SLC24A3: variants seen among roughly 807,000 people sequenced by gnomAD.
SLC24A3 encodes the protein sodium/potassium/calcium exchanger 3.
Under a neutral mutation model 75.8 loss-of-function variants are expected in SLC24A3, and 28 were observed. The ratio of observed to expected loss-of-function variants is 0.37; its 90% CI spans 0.27 to 0.51. SLC24A3 has a LOEUF of 0.51. SLC24A3 is among the 20% of genes least tolerant of loss of function. The probability of loss-of-function intolerance (pLI) is 0.94; values close to 1 mark genes in which losing one functional copy is unlikely to be tolerated. For missense variants in SLC24A3, 663 were observed against 847.8 expected (o/e 0.78, Z 2.71); for synonymous variants, 372 against 334.1 (o/e 1.11, Z -1.24).
chr20:19,541,429 G>A (rs943908247), intron 3 of SLC24A3, among the ~76,000 whole-genome samples: 1 of 152,180 alleles, frequency 6.6e-6, no homozygotes, highest in Non-Finnish European at 1.5e-5. Context: ...GTTGCCTCCT[G>A]CAAGCCCTCT....
chr20:19,553,383 T>A (rs1485043199), intron 3 of SLC24A3, among the ~76,000 whole-genome samples: 2 of 152,156 alleles, frequency 1.3e-5, no homozygotes, highest in African/African-American at 4.8e-5. Context: ...ACTTGCTGCA[T>A]CACAAGGAAG....
intron 9 of SLC24A3, among the ~76,000 whole-genome samples, chr20:19,678,782 C>G (rs1488377088): frequency 1.3e-5 from 2 of 149,134 alleles, no homozygotes; most frequent in African/African-American, 5.0e-5. Flanking sequence ...CCTCACTTCT[C>G]AGACGGGGCG....
intron 2 of SLC24A3, among the ~76,000 whole-genome samples, chr20:19,290,055 G>C (rs113279466): frequency 1.9e-3 from 294 of 152,238 alleles, no homozygotes; most frequent in African/African-American, 6.9e-3. Flanking sequence ...ACCACCACCA[G>C]CAGCAGCAGC....
At chr20:19,309,949 C>T (rs1017000932) in intron 2 of SLC24A3, among the ~76,000 whole-genome samples, 2 of 152,108 alleles carry the variant, frequency 1.3e-5, no homozygotes, top group Non-Finnish European at 2.9e-5. Context: ...CAAAGCATCA[C>T]ACTCTTCCTG....
At chr20:19,536,892 C>T (rs1258613015) in intron 3 of SLC24A3, among the ~76,000 whole-genome samples, 11 of 152,316 alleles carry the variant, frequency 7.2e-5, no homozygotes, top group African/African-American at 2.6e-4. Context: ...GGATTAAAGA[C>T]TTACATGTTA....
At chr20:19,497,901 A>C (rs1347190071) in intron 2 of SLC24A3, among the ~76,000 whole-genome samples, 1 of 152,188 alleles carries the variant, frequency 6.6e-6, no homozygotes, top group East Asian at 1.9e-4. Flanking sequence ...GACCAGTACC[A>C]ATCCCTGGCC....
At chr20:19,471,485 A>T (rs1486635407) in intron 2 of SLC24A3, among the ~76,000 whole-genome samples, 1 of 152,202 alleles carries the variant, frequency 6.6e-6, no homozygotes, top group Non-Finnish European at 1.5e-5. Context: ...TGTTGAATGC[A>T]TGTGTGTTCA....
intron 9 of SLC24A3, 107 bp from the exon 10 acceptor site, chr20:19,681,751 T>A: frequency 6.4e-7 from 1 of 1,563,614 alleles, no homozygotes; most frequent in Admixed American, 1.7e-5. Flanking sequence ...TGAGGCCTGG[T>A]GACTGTGCAT....
At chr20:19,259,745 A>G (rs1982924766) in intron 1 of SLC24A3, among the ~76,000 whole-genome samples, 1 of 152,236 alleles carries the variant, frequency 6.6e-6, no homozygotes, top group African/African-American at 2.4e-5. Context: ...ATGTTCAACC[A>G]TACAGAAACA....
intron 6 of SLC24A3, among the ~76,000 whole-genome samples, chr20:19,611,495 A>G (rs2031671153): frequency 6.6e-6 from 1 of 152,214 alleles, no homozygotes; most frequent in Non-Finnish European, 1.5e-5. Flanking sequence ...AAGCCACTGG[A>G]CAAATGGATG....
At chr20:19,706,957 G>A (rs539439881) in intron 15 of SLC24A3, among the ~76,000 whole-genome samples, 1 of 152,304 alleles carries the variant, frequency 6.6e-6, no homozygotes, top group South Asian at 2.1e-4. Flanking sequence ...GCTGACAAGT[G>A]TGTGGCTGCT....
chr20:19,340,714 A>G (rs1348001858), intron 2 of SLC24A3, among the ~76,000 whole-genome samples: 1 of 152,196 alleles, frequency 6.6e-6, no homozygotes, highest in Non-Finnish European at 1.5e-5. Flanking sequence ...TGTGTTTCAA[A>G]TAAACATCCA....
chr20:19,613,242 A>G (rs929043054), intron 6 of SLC24A3, among the ~76,000 whole-genome samples: 16 of 152,146 alleles, frequency 1.1e-4, no homozygotes, highest in Admixed American at 1.0e-3. Context: ...ACTTCCTCCA[A>G]TGGGATGTGA....
chr20:19,710,371 C>T (rs1457611418), intron 15 of SLC24A3, among the ~76,000 whole-genome samples: 1 of 152,208 alleles, frequency 6.6e-6, no homozygotes, highest in African/African-American at 2.4e-5. Flanking sequence ...TCTGTGTCTG[C>T]ATCCGTACTA....
intron 3 of SLC24A3, among the ~76,000 whole-genome samples, chr20:19,522,933 A>C (rs2030130993): frequency 6.6e-6 from 1 of 152,188 alleles, no homozygotes; most frequent in African/African-American, 2.4e-5. Flanking sequence ...GAAAACATTT[A>C]AAATCTCTTT....
chr20:19,296,287 C>CAA (rs1333292032), intron 2 of SLC24A3, among the ~76,000 whole-genome samples: 2 of 38,880 alleles, frequency 5.1e-5, no homozygotes, highest in East Asian at 6.8e-4. Context: ...TTTTTTTTTT[C>CAA]AAAAAAAAAT....
chr20:19,570,254 C>G (rs1256397113), intron 3 of SLC24A3, among the ~76,000 whole-genome samples: 1 of 152,136 alleles, frequency 6.6e-6, no homozygotes, highest in Non-Finnish European at 1.5e-5. Context: ...TGGGAGAACT[C>G]TATCAGAAGA....
intron 2 of SLC24A3, among the ~76,000 whole-genome samples, chr20:19,301,276 G>A (rs551866992): frequency 1.3e-5 from 2 of 152,330 alleles, no homozygotes; most frequent in East Asian, 3.9e-4. Flanking sequence ...TTGCAAAAAT[G>A]GAAGCTACTG....
At chr20:19,461,006 A>C (rs3790217) in intron 2 of SLC24A3, among the ~76,000 whole-genome samples, 85,405 of 151,980 alleles carry the variant, frequency 0.56, 24,144 homozygotes, top group Non-Finnish European at 0.58. Flanking sequence ...AAGCAGTTTT[A>C]TTAGCCAGCG....
Sources: gnomAD v4.1 joint callset for allele counts (sites outside exome capture counted in the v4.1 genomes callset) on GRCh38, gnomAD v4.1.1 for gene constraint, MANE v1.5 for transcripts, NCBI Gene and HGNC (gene_info 2026-07-23, HGNC 2026-07-21) for gene names.